SMIM35: variants seen among roughly 807,000 people sequenced by gnomAD.
SMIM35 encodes small integral membrane protein 35.
At chr11:118,071,956 A>G (rs1013160575) in intron 1 of SMIM35, among the ~76,000 whole-genome samples, 2 of 152,216 alleles carry the variant, frequency 1.3e-5, no homozygotes, top group African/African-American at 4.8e-5. Context: ...TTGAGCAGGA[A>G]GGATCTACAG....
At chr11:118,068,693 A>T (rs1944523928) in intron 1 of SMIM35, among the ~76,000 whole-genome samples, 1 of 152,174 alleles carries the variant, frequency 6.6e-6, no homozygotes, top group Admixed American at 6.5e-5. Context: ...GTGGAACCTC[A>T]CAGCGCTGTT....
intron 4 of SMIM35, among the ~76,000 whole-genome samples, chr11:118,010,539 G>T (rs2058144548): frequency 6.6e-6 from 1 of 152,214 alleles, no homozygotes; most frequent in East Asian, 1.9e-4. Flanking sequence ...ACATAACTTT[G>T]TTGGCAGAGG....
intron 1 of SMIM35, among the ~76,000 whole-genome samples, chr11:118,083,994 C>T (rs1240527423): frequency 1.3e-5 from 2 of 152,052 alleles, no homozygotes; most frequent in East Asian, 1.9e-4. Context: ...GCCGAGACAG[C>T]GCCACTGCAC....
intron 1 of SMIM35, among the ~76,000 whole-genome samples, chr11:118,074,847 C>T (rs374093493): frequency 1.7e-3 from 262 of 152,236 alleles, no homozygotes; most frequent in African/African-American, 6.1e-3. Context: ...CTGTGCCTCC[C>T]TCTGTAAACC....
intron 1 of SMIM35, among the ~76,000 whole-genome samples, chr11:118,040,929 T>A (rs147797188): frequency 1.1e-3 from 167 of 151,724 alleles, no homozygotes; most frequent in African/African-American, 3.8e-3. Flanking sequence ...ATGTGACATA[T>A]GTATAACAAA....
chr11:118,075,980 C>A (rs536506491), intron 1 of SMIM35, among the ~76,000 whole-genome samples: 2 of 152,236 alleles, frequency 1.3e-5, no homozygotes, highest in African/African-American at 4.8e-5. Context: ...CAGAAATGAT[C>A]CTGTGGGGCT....
intron 1 of SMIM35, among the ~76,000 whole-genome samples, chr11:118,062,541 G>T (rs1308838774): frequency 6.6e-6 from 1 of 152,176 alleles, no homozygotes; most frequent in Non-Finnish European, 1.5e-5. Flanking sequence ...GAGACAGGTG[G>T]TTCACTTGGG....
chr11:118,080,519 AGGGGTTCAGATGTCAGGGCTCCT>A, intron 1 of SMIM35, among the ~76,000 whole-genome samples: 1 of 152,232 alleles, frequency 6.6e-6, no homozygotes, highest in South Asian at 2.1e-4. Context: ...TCCCTGGAGA[AGGGGTTCAGATGTCAGGGCTCCT>A]GCGTGACCCC....
At chr11:118,079,997 G>A (rs920694721) in intron 1 of SMIM35, among the ~76,000 whole-genome samples, 3 of 152,096 alleles carry the variant, frequency 2.0e-5, no homozygotes, top group East Asian at 3.9e-4. Context: ...TGGTGTCACT[G>A]TAACCACTCC....
rs570530199 is a variant in SMIM35, at chr11:118,023,178, C to G, written c.8-7369G>C. 7.9e-5 allele frequency among the ~76,000 whole-genome samples: 12 copies of G among 152,066 alleles called. No individual in the cohort carries two copies. In the East Asian group the frequency reaches 2.3e-3, roughly 30 times the overall value. On this transcript the variant is annotated intron_variant, in intron 1 of 4. Coordinates refer to ENST00000689828, the MANE Select transcript of SMIM35 (RefSeq NM_001394165.1). ...GACCCATAATGAACAGAACAACCAA[C>G]AGAGCACAGGCCTTGGAATCCTGCA...
chr11:118,058,774 G>A lies in SMIM35; in HGVS notation c.7+27977C>T, dbSNP rs563708058. Among the ~76,000 whole-genome samples the A allele has an allele frequency of 6.2e-3, 948 of 152,236 alleles. 6 individuals carry two copies. Among genetic ancestry groups the A allele is most frequent in the African/African-American group, 0.022 (911 of 41,538 alleles). On this transcript the variant is annotated intron_variant, in intron 1 of 4. Transcript: ENST00000689828. ...AGATGACCAAGAGCCCAGCTCGGGG[G>A]GCCTGGGGAAGGAATGGGGTGGGAG...
At chr11:118,025,932 C>T (rs1412550510) in intron 1 of SMIM35, 1 of 328,612 alleles carries the variant, frequency 3.0e-6, no homozygotes, top group Non-Finnish European at 5.7e-6. Context: ...TTAGGTCTTA[C>T]ATTTAAGTCT....
intron 1 of SMIM35, among the ~76,000 whole-genome samples, chr11:118,067,852 A>T (rs1163692350): frequency 8.5e-6 from 1 of 117,214 alleles, no homozygotes; most frequent in African/African-American, 3.3e-5. Context: ...CCACAAAACA[A>T]CAACAAACAT....
intron 1 of SMIM35, among the ~76,000 whole-genome samples, chr11:118,053,383 C>G (rs1256098289): frequency 1.3e-5 from 2 of 151,572 alleles, no homozygotes; most frequent in Admixed American, 6.6e-5. Context: ...CTCCCAGGTA[C>G]AGGGCAAATG....
chr11:118,031,389 G>A (rs1276346400), intron 1 of SMIM35, among the ~76,000 whole-genome samples: 3 of 152,058 alleles, frequency 2.0e-5, no homozygotes, highest in South Asian at 4.1e-4. Context: ...GTACCAGCAG[G>A]GAAAGTAAAA....
intron 1 of SMIM35, among the ~76,000 whole-genome samples, chr11:118,023,316 G>C (rs1303993970): frequency 1.3e-5 from 2 of 152,020 alleles, no homozygotes; most frequent in African/African-American, 2.4e-5. Context: ...GAGAAAGAGA[G>C]ATTCAATAAG....
At chr11:118,065,957 C>G (rs1224683432) in intron 1 of SMIM35, among the ~76,000 whole-genome samples, 1 of 152,174 alleles carries the variant, frequency 6.6e-6, no homozygotes, top group Non-Finnish European at 1.5e-5. Context: ...GAGGTCTGGA[C>G]AGAGGACACC....
chr11:118,014,767 G>T (rs1376162920), intron 2 of SMIM35, 26 bp from the exon 3 acceptor site: 6 of 398,864 alleles, frequency 1.5e-5, no homozygotes, highest in South Asian at 2.5e-4. Context: ...AAAAAGAGAG[G>T]GTTAGCACCT....
At chr11:118,019,583 G>A (rs1349466893) in intron 1 of SMIM35, among the ~76,000 whole-genome samples, 2 of 152,126 alleles carry the variant, frequency 1.3e-5, no homozygotes, top group Non-Finnish European at 2.9e-5. Context: ...TGCCTATAGT[G>A]TCTTTTTTGA....
Sources: gnomAD v4.1 joint callset for allele counts (sites outside exome capture counted in the v4.1 genomes callset) on GRCh38, gnomAD v4.1.1 for gene constraint, MANE v1.5 for transcripts, NCBI Gene and HGNC (gene_info 2026-07-23, HGNC 2026-07-21) for gene names.